THRB: variants seen among roughly 807,000 people sequenced by gnomAD.
THRB encodes thyroid hormone receptor beta.
Under a neutral mutation model 47.8 loss-of-function variants are expected in THRB, and 12 were observed. The ratio of observed to expected loss-of-function variants is 0.25; its 90% CI spans 0.16 to 0.41. The LOEUF is 0.41. Ranked by LOEUF, THRB falls within the 10% of genes least tolerant of loss-of-function variation. The pLI is 1.00. For synonymous variants in THRB, 218 were observed against 212.2 expected (o/e 1.03, Z -0.24); for missense variants, 348 against 589.2 (o/e 0.59, Z 4.24).
At chr3:24,412,081 A>T (rs2068355560) in intron 1 of THRB, among the ~76,000 whole-genome samples, 1 of 151,892 alleles carries the variant, frequency 6.6e-6, no homozygotes, top group African/African-American at 2.4e-5. Flanking sequence ...GTACTCCATT[A>T]TGAGTTATTA....
chr3:24,315,819 C>T (rs1156607512), intron 2 of THRB, among the ~76,000 whole-genome samples: 1 of 152,174 alleles, frequency 6.6e-6, no homozygotes. Context: ...AATTATGCTG[C>T]TTATAACTGG....
intron 2 of THRB, among the ~76,000 whole-genome samples, chr3:24,336,959 T>C (rs1159337681): frequency 6.6e-6 from 1 of 152,108 alleles, no homozygotes; most frequent in East Asian, 1.9e-4. Context: ...CCTGACCTCA[T>C]GATCCGCCTG....
At chr3:24,444,105 A>G (rs979020140) in intron 1 of THRB, among the ~76,000 whole-genome samples, 7 of 152,202 alleles carry the variant, frequency 4.6e-5, no homozygotes, top group Non-Finnish European at 8.8e-5. Context: ...TCTATCATCA[A>G]ATAAATAGCT....
chr3:24,343,982 G>A (rs1369182478), intron 1 of THRB, among the ~76,000 whole-genome samples: 1 of 147,540 alleles, frequency 6.8e-6, no homozygotes, highest in Non-Finnish European at 1.5e-5. Flanking sequence ...TTTCCCACAT[G>A]TGGGAAATTT....
intron 3 of THRB, among the ~76,000 whole-genome samples, chr3:24,266,530 T>C (rs2052666601): frequency 1.3e-5 from 2 of 152,142 alleles, no homozygotes; most frequent in African/African-American, 4.8e-5. Flanking sequence ...TCATGAAACC[T>C]TGGCAGAGGC....
At chr3:24,282,101 G>A (rs1446643143) in intron 3 of THRB, among the ~76,000 whole-genome samples, 1 of 124,122 alleles carries the variant, frequency 8.1e-6, no homozygotes. Context: ...GACATCTACA[G>A]AACTCTCCAC....
chr3:24,401,073 A>C (rs1481224887), intron 1 of THRB, among the ~76,000 whole-genome samples: 1 of 152,060 alleles, frequency 6.6e-6, no homozygotes, highest in East Asian at 1.9e-4. Flanking sequence ...TATCACATTC[A>C]TAATTTAACA....
At chr3:24,314,426 C>A (rs1047107032) in intron 2 of THRB, among the ~76,000 whole-genome samples, 8 of 152,188 alleles carry the variant, frequency 5.3e-5, no homozygotes, top group African/African-American at 1.9e-4. Context: ...AACAAGAGAT[C>A]TTTAAATGTA....
At chr3:24,307,344 C>G (rs1576710658) in intron 2 of THRB, among the ~76,000 whole-genome samples, 1 of 149,494 alleles carries the variant, frequency 6.7e-6, no homozygotes, top group Non-Finnish European at 1.5e-5. Flanking sequence ...AGTAATGCAA[C>G]TATTCAGATC....
At chr3:24,271,966 G>GTTA (rs1482883492) in intron 3 of THRB, among the ~76,000 whole-genome samples, 1 of 152,062 alleles carries the variant, frequency 6.6e-6, no homozygotes, top group African/African-American at 2.4e-5. Context: ...ATGGTCTTGG[G>GTTA]TTATTATGTT....
intron 4 of THRB, among the ~76,000 whole-genome samples, chr3:24,211,344 T>G (rs776123996): frequency 3.9e-5 from 6 of 152,244 alleles, no homozygotes; most frequent in Non-Finnish European, 7.3e-5. Context: ...CACCTGGTAT[T>G]GATCACAATT....
chr3:24,224,267 G>A (rs62253717), intron 4 of THRB, among the ~76,000 whole-genome samples: 17,718 of 152,000 alleles, frequency 0.12, 1,075 homozygotes, highest in African/African-American at 0.13. Flanking sequence ...TGTATTCATC[G>A]TATATTATTT....
intron 1 of THRB, among the ~76,000 whole-genome samples, chr3:24,474,327 T>A (rs1422898466): frequency 6.6e-6 from 1 of 152,184 alleles, no homozygotes; most frequent in African/African-American, 2.4e-5. Flanking sequence ...ATCCTCAAAA[T>A]TTAGTCTTCC....
chr3:24,336,300 C>T lies in THRB; in HGVS notation c.-189+1000G>A, dbSNP rs77727622. 9.1e-4 allele frequency among the ~76,000 whole-genome samples: 139 copies of T among 152,168 alleles called. 2 individuals are homozygous for T. Among genetic ancestry groups the T allele is most frequent in the Admixed American group, 3.6e-3 (55 of 15,292 alleles). On this transcript the variant is annotated intron_variant, in intron 2 of 10. Transcript: ENST00000646209. Reference sequence around the variant, plus strand: ...TAGCACCACCCCAACCCAGGCGCCTCGACAATAGGCCAGAGGCCATGGGCA... The same window carrying T: ...TAGCACCACCCCAACCCAGGCGCCTTGACAATAGGCCAGAGGCCATGGGCA...
chr3:24,202,699 T>C (rs1277747020), intron 4 of THRB, among the ~76,000 whole-genome samples: 1 of 152,218 alleles, frequency 6.6e-6, no homozygotes, highest in Non-Finnish European at 1.5e-5. Flanking sequence ...TATGTGCCAT[T>C]TCATTTACTG....
intron 3 of THRB, among the ~76,000 whole-genome samples, chr3:24,285,242 C>T (rs1188684134): frequency 1.3e-5 from 2 of 151,772 alleles, no homozygotes; most frequent in Non-Finnish European, 2.9e-5. Flanking sequence ...CCATGGAATA[C>T]TATGCAGCCT....
intron 2 of THRB, among the ~76,000 whole-genome samples, chr3:24,323,459 T>G (rs1210435889): frequency 6.6e-6 from 1 of 152,232 alleles, no homozygotes; most frequent in Admixed American, 6.5e-5. Flanking sequence ...CCAATTTTAC[T>G]GTGCATAAAA....
At chr3:24,466,546 A>G (rs556105059) in intron 1 of THRB, among the ~76,000 whole-genome samples, 2 of 152,284 alleles carry the variant, frequency 1.3e-5, no homozygotes, top group Admixed American at 6.5e-5. Flanking sequence ...TCTTGTTTAG[A>G]GTACCCTCCA....
At chr3:24,381,562 CA>C (rs1316493428) in intron 1 of THRB, among the ~76,000 whole-genome samples, 1 of 152,112 alleles carries the variant, frequency 6.6e-6, no homozygotes, top group East Asian at 1.9e-4. Context: ...TTATCAAAAG[CA>C]AATGTTTCAA....
Sources: gnomAD v4.1 joint callset for allele counts (sites outside exome capture counted in the v4.1 genomes callset) on GRCh38, gnomAD v4.1.1 for gene constraint, MANE v1.5 for transcripts, NCBI Gene and HGNC (gene_info 2026-07-23, HGNC 2026-07-21) for gene names.